ERO1A: variants seen among roughly 807,000 people sequenced by gnomAD.
The protein encoded by ERO1A is endoplasmic reticulum oxidoreductase 1 alpha.
ERO1A carries 49 observed loss-of-function variants against 76.9 expected under a neutral mutation model. The observed-to-expected ratio is 0.64, with a 90% CI of 0.51 to 0.81. The LOEUF is 0.81. Among genes scored for constraint, ERO1A ranks in the 30% least tolerant of loss-of-function variants. ERO1A has a pLI of 0.00. For synonymous variants in ERO1A, 174 were observed against 181.2 expected, an observed-to-expected ratio of 0.96 and a Z score of 0.32; for missense variants, 448 against 542.1, an observed-to-expected ratio of 0.83 and a Z score of 1.72.
chr14:52,661,239 C>T (rs956154859), intron 9 of ERO1A, 54 bp downstream of exon 9: 6 of 701,008 alleles, frequency 8.6e-6, no homozygotes, highest in Non-Finnish European at 1.1e-5. Context: ...CCATAATAAA[C>T]ATCTGAATGT....
At chr14:52,688,049 T>C (rs1566648079) in intron 1 of ERO1A, among the ~76,000 whole-genome samples, 1 of 151,996 alleles carries the variant, frequency 6.6e-6, no homozygotes, top group African/African-American at 2.4e-5. Context: ...TAGCCAGGCA[T>C]TGGGTGCACA....
intron 13 of ERO1A, among the ~76,000 whole-genome samples, chr14:52,650,732 GCT>G (rs1277757022): frequency 6.6e-6 from 1 of 152,134 alleles, no homozygotes; most frequent in Non-Finnish European, 1.5e-5. Context: ...GAGGGTGGAA[GCT>G]CTCTTTCCTT....
intron 9 of ERO1A, among the ~76,000 whole-genome samples, chr14:52,658,825 A>G (rs2040136083): frequency 6.6e-6 from 1 of 152,202 alleles, no homozygotes; most frequent in African/African-American, 2.4e-5. Context: ...ATGGCAATAC[A>G]TAAAAATGTT....
chr14:52,674,859 A>G (rs564635519), intron 4 of ERO1A, among the ~76,000 whole-genome samples: 3 of 152,342 alleles, frequency 2.0e-5, no homozygotes, highest in African/African-American at 7.2e-5. Context: ...AGATTTGCAC[A>G]TTTCATTGTA....
rs1405877209 is a variant in ERO1A, at chr14:52,646,141, C to T, written c.1346+13G>A. ...CTTGGCTACCAGAAGCATTTCAGTACATTCAAACTAACCTTCCAAATGCGT... is the reference window on the plus strand; with the variant it reads ...CTTGGCTACCAGAAGCATTTCAGTATATTCAAACTAACCTTCCAAATGCGT... On this transcript the variant is annotated intron_variant, in intron 15 of 15. Coordinates refer to ENST00000395686, the MANE Select transcript of ERO1A (RefSeq NM_014584.3). The T allele has an allele frequency of 1.9e-6, 3 of 1,603,652 alleles. No homozygotes were observed. The highest frequency in any genetic ancestry group is 2.6e-6 in the Non-Finnish European group (3 of 1,175,032).
chr14:52,676,027 CA>C (rs2040772842), intron 4 of ERO1A, among the ~76,000 whole-genome samples: 1 of 152,084 alleles, frequency 6.6e-6, no homozygotes, highest in African/African-American at 2.4e-5. Context: ...AAATTTGTTG[CA>C]AAGTAGACAC....
chr14:52,660,569 A>C (rs1246415936), intron 9 of ERO1A, among the ~76,000 whole-genome samples: 1 of 152,260 alleles, frequency 6.6e-6, no homozygotes, highest in Non-Finnish European at 1.5e-5. Context: ...AATATAAAGC[A>C]CAATAATAAA....
chr14:52,677,143 C>T (rs929119756), intron 4 of ERO1A, among the ~76,000 whole-genome samples: 3 of 151,978 alleles, frequency 2.0e-5, no homozygotes, highest in African/African-American at 7.3e-5. Flanking sequence ...GACAGATAAT[C>T]TCATGTTTTA....
intron 13 of ERO1A, among the ~76,000 whole-genome samples, chr14:52,647,482 GCC>G (rs1437264225): frequency 6.6e-6 from 1 of 151,880 alleles, no homozygotes; most frequent in East Asian, 1.9e-4. Context: ...TACAATCGAA[GCC>G]CCTCATGTTA....
intron 1 of ERO1A, among the ~76,000 whole-genome samples, chr14:52,693,451 C>G (rs1471598288): frequency 6.6e-6 from 1 of 152,156 alleles, no homozygotes; most frequent in Non-Finnish European, 1.5e-5. Context: ...TGCAGACAGC[C>G]TATTGCGGGA....
chr14:52,658,007 G>A lies in ERO1A; in HGVS notation c.718C>T (p.Leu240Phe), dbSNP rs757739519. 35 of 1,602,730 alleles carry A rather than the reference G, an allele frequency of 2.2e-5. 1 individual carries two copies. The highest frequency in any genetic ancestry group is 2.3e-5 in the Non-Finnish European group (27 of 1,172,944). ...TAGAATGCTCTTTTTTCTACACAGA[G>A]ACCTAAGAAAAAGCAGTGACTTAGA... ...ENTFYSWLEG[L>F]CVEKRAFYRL... Residue 240 changes from leucine (L) to phenylalanine (F), a missense_variant and splice_region_variant, in exon 11 of 16, where the codon CTC becomes TTC. This residue lies in a region of ERO1A where 302 missense variants were observed against 411.9 expected (regional missense o/e 0.73). Transcript: ENST00000395686.
rs115672968 is a variant in ERO1A at position 52,680,566 on chromosome 14, C to T, written c.318+1759G>A. Among the ~76,000 whole-genome samples, 267 of 152,166 alleles carry T rather than the reference C, an allele frequency of 1.8e-3. 1 individual carries two copies. The highest frequency in any genetic ancestry group is 6.1e-3 in the African/African-American group (255 of 41,518). ...CATTTAATGAACAAGTATAATTAAA[C>T]GCCTTTATTAAGCATCTACCATATT... On this transcript the variant is annotated intron_variant, in intron 3 of 15. Coordinates refer to ENST00000395686, the MANE Select transcript of ERO1A (RefSeq NM_014584.3).
chr14:52,673,551 C>A (rs566521073), intron 4 of ERO1A, among the ~76,000 whole-genome samples: 20 of 152,274 alleles, frequency 1.3e-4, no homozygotes, highest in African/African-American at 4.1e-4. Flanking sequence ...CTGAGAAGCT[C>A]TTGGGTTGTT....
chr14:52,682,366 G>C lies in ERO1A; in HGVS notation c.277C>G (p.Gln93Glu). The C allele has an allele frequency of 6.2e-7, 1 of 1,612,042 alleles. No individual in the cohort carries two copies. Among genetic ancestry groups the C allele is most frequent in the Non-Finnish European group, 8.5e-7 (1 of 1,178,836 alleles). The part of the protein sequence containing the change: ...RPCPFWNDIS[Q>E]CGRRDCAVKP... ...ACAGCACAGTCCCTTCTTCCACACT[G>C]GCTGATGTCATTCCAGAAAGGACAC... Residue 93 changes from glutamine to glutamate, a missense_variant, in exon 3 of 16, where the codon CAG becomes GAG. Gln to Glu is a conservative substitution (Grantham distance 29, BLOSUM62 2). Coordinates refer to ENST00000395686, the MANE Select transcript of ERO1A (RefSeq NM_014584.3).
At chr14:52,683,982 T>TTCCTAACAACC in intron 1 of ERO1A, 75 bp from the exon 2 acceptor site, 1 of 1,167,560 alleles carries the variant, frequency 8.6e-7, no homozygotes, top group Non-Finnish European at 1.2e-6. Flanking sequence ...ACATGGTTGT[T>TTCCTAACAACC]AGGAAACAGC....
intron 3 of ERO1A, 82 bp downstream of exon 3, chr14:52,682,243 A>T (rs1380043619): frequency 4.3e-6 from 5 of 1,159,218 alleles, no homozygotes; most frequent in African/African-American, 1.6e-5. Flanking sequence ...TTTCAAAAAA[A>T]AATTCTTAAA....
In ERO1A at chr14:52,642,726, T is replaced by C. The variant is rs2039517352; in HGVS notation, c.*844A>G. 1 of 152,580 alleles carries C rather than the reference T, an allele frequency of 6.6e-6. No homozygotes were observed. The highest frequency in any genetic ancestry group is 6.5e-5 in the Admixed American group (1 of 15,278). The allele number at this position is 152,580 out of a possible 1,614,324, so 9.5% of individuals were successfully genotyped here. A position where few individuals can be genotyped will look rare whatever the true frequency, so the allele number is the denominator to read the frequency against. ...TGGGTAAGAGAGCTCTTTGTACTAT[T>C]TTTGAAACTTTTCTGTAAATTGGAA... On this transcript the variant is annotated 3_prime_UTR_variant, in exon 16 of 16. Transcript: ENST00000395686.
At chr14:52,653,367 T>G in intron 11 of ERO1A, 52 bp from the exon 12 acceptor site, 2 of 1,438,622 alleles carry the variant, frequency 1.4e-6, no homozygotes, top group Non-Finnish European at 1.9e-6. Context: ...CAATTTTTAC[T>G]TTAATTATAT....
intron 2 of ERO1A, among the ~76,000 whole-genome samples, chr14:52,682,936 G>A (rs1397958882): frequency 6.6e-6 from 1 of 150,830 alleles, no homozygotes; most frequent in African/African-American, 2.4e-5. Context: ...GGCTGGGCAA[G>A]GTGGCTGGCG....
Sources: gnomAD v4.1 joint callset for allele counts (sites outside exome capture counted in the v4.1 genomes callset) on GRCh38, gnomAD v4.1.1 for gene constraint, gnomAD v4.1.1 regional missense constraint, MANE v1.5 for transcripts, NCBI Gene and HGNC (gene_info 2026-07-23, HGNC 2026-07-21) for gene names.